Variants in PPP1R9A observed in about 807,000 individuals in gnomAD.
PPP1R9A encodes neurabin-1.
A neutral mutation model predicts 141.9 loss-of-function variants in PPP1R9A; 59 were observed. The observed-to-expected ratio is 0.42, with a 90% confidence interval of 0.34 to 0.52. PPP1R9A has a LOEUF of 0.52. Among genes scored for constraint, PPP1R9A ranks in the 20% least tolerant of loss-of-function variants. The pLI, the probability that PPP1R9A is intolerant of heterozygous loss-of-function variation, is 0.10. For missense variants in PPP1R9A, 1,444 were observed against 1,611.9 expected (o/e 0.90, Z 1.78); for synonymous variants, 500 against 569.7 (o/e 0.88, Z 1.74).
At chr7:95,019,851 G>A (rs762531244) in intron 2 of PPP1R9A, among the ~76,000 whole-genome samples, 4 of 152,108 alleles carry the variant, frequency 2.6e-5, no homozygotes, top group Non-Finnish European at 5.9e-5. Flanking sequence ...TCCACTCCTA[G>A]TTATTTATAC....
intron 2 of PPP1R9A, among the ~76,000 whole-genome samples, chr7:94,949,473 T>C (rs1796227984): frequency 6.6e-6 from 1 of 152,126 alleles, no homozygotes; most frequent in Non-Finnish European, 1.5e-5. Context: ...GGGCATAAAA[T>C]AGGGTCCTCA....
At chr7:95,168,380 A>G (rs2152740177) in intron 5 of PPP1R9A, among the ~76,000 whole-genome samples, 1 of 152,246 alleles carries the variant, frequency 6.6e-6, no homozygotes, top group East Asian at 1.9e-4. Context: ...CTCACTATAT[A>G]TAAAAATCAA....
chr7:95,254,253 C>T (rs1799278857), intron 12 of PPP1R9A, among the ~76,000 whole-genome samples: 1 of 152,160 alleles, frequency 6.6e-6, no homozygotes, highest in Non-Finnish European at 1.5e-5. Flanking sequence ...TCCAGTTTTG[C>T]TGTGAGGACA....
Position 94,910,809 on chromosome 7 carries a change from G to A in PPP1R9A, c.696G>A (p.Gly232=), listed in dbSNP as rs1791363955. 1 of 1,613,750 alleles carries A rather than the reference G, an allele frequency of 6.2e-7. No individual in the cohort carries two copies. The highest frequency in any genetic ancestry group is 1.3e-5 in the African/African-American group (1 of 74,914). The change falls in exon 2 of 20, where the codon GGG becomes GGA. Residue 232 remains glycine, a synonymous_variant. Coordinates refer to ENST00000433360, the MANE Select transcript of PPP1R9A (RefSeq NM_001166160.2). The surrounding 1 kb of genome is among the most constrained non-coding windows in gnomAD (Gnocchi z 4.5). ...AAAACAATGAATACTCAGTGACTGG[G>A]CATTATCCCTTGAATTTACCATCTG... ...KAENNEYSVT[G]HYPLNLPSVT...
intron 8 of PPP1R9A, among the ~76,000 whole-genome samples, chr7:95,228,698 A>C (rs1435230980): frequency 3.3e-5 from 5 of 152,202 alleles, no homozygotes; most frequent in Non-Finnish European, 7.3e-5. Flanking sequence ...CCCTTGAAAA[A>C]TACGCTGCAT....
chr7:95,093,552 A>G (rs1218782388), intron 2 of PPP1R9A, among the ~76,000 whole-genome samples: 18 of 152,174 alleles, frequency 1.2e-4, no homozygotes, highest in Admixed American at 1.2e-3. Context: ...AGTTCTTCCA[A>G]ACTAGATTCT....
chr7:95,039,812 A>G (rs1808964554), intron 2 of PPP1R9A, among the ~76,000 whole-genome samples: 2 of 152,204 alleles, frequency 1.3e-5, no homozygotes, highest in South Asian at 2.1e-4. Flanking sequence ...TTGGAATAAC[A>G]GGAGGAGAAA....
chr7:95,278,798 A>C (rs1254635378), intron 16 of PPP1R9A, among the ~76,000 whole-genome samples: 4 of 152,202 alleles, frequency 2.6e-5, no homozygotes, highest in Non-Finnish European at 4.4e-5. Context: ...TGAAAGCCAA[A>C]AACACAATGT....
At chr7:95,119,084 G>GT (rs1011959600) in intron 3 of PPP1R9A, among the ~76,000 whole-genome samples, 1 of 152,064 alleles carries the variant, frequency 6.6e-6, no homozygotes, top group Non-Finnish European at 1.5e-5. Flanking sequence ...ATTCTGTTGA[G>GT]TATATGGACC....
chr7:95,118,985 C>CAAAAAAA (rs11353708), intron 3 of PPP1R9A, among the ~76,000 whole-genome samples: 1 of 129,150 alleles, frequency 7.7e-6, no homozygotes, highest in Non-Finnish European at 1.7e-5. Context: ...TTGTCTCAAA[C>CAAAAAAA]AAAAAAAAAA....
At chr7:94,932,253 T>C (rs11768662) in intron 2 of PPP1R9A, among the ~76,000 whole-genome samples, 17 of 152,214 alleles carry the variant, frequency 1.1e-4, no homozygotes, top group Non-Finnish European at 2.4e-4. Context: ...GGCTTTTGTG[T>C]CATTATATTT....
chr7:94,948,171 T>C (rs1396801417), intron 2 of PPP1R9A, among the ~76,000 whole-genome samples: 2 of 152,094 alleles, frequency 1.3e-5, no homozygotes, highest in Non-Finnish European at 2.9e-5. Context: ...GTATATATTA[T>C]AATAAGTAAT....
chr7:95,283,457 A>T (rs1585630342), intron 16 of PPP1R9A, among the ~76,000 whole-genome samples: 1 of 152,222 alleles, frequency 6.6e-6, no homozygotes, highest in East Asian at 1.9e-4. Flanking sequence ...GGAGATGAGG[A>T]CTTCAGATCT....
chr7:95,180,650 G>C (rs896821631), intron 5 of PPP1R9A, among the ~76,000 whole-genome samples: 8 of 151,998 alleles, frequency 5.3e-5, no homozygotes, highest in Non-Finnish European at 1.0e-4. Context: ...CTAATATCCA[G>C]AATCTACGAC....
At chr7:95,281,578 G>T (rs1212935165) in intron 16 of PPP1R9A, among the ~76,000 whole-genome samples, 5 of 152,206 alleles carry the variant, frequency 3.3e-5, no homozygotes. Context: ...AGTTTAATTA[G>T]ATGTGACCTT....
chr7:95,042,124 C>G (rs903023081), intron 2 of PPP1R9A, among the ~76,000 whole-genome samples: 14 of 152,060 alleles, frequency 9.2e-5, no homozygotes, highest in African/African-American at 3.4e-4. Flanking sequence ...GCTTTTACTG[C>G]CCTCAGGGAG....
chr7:95,072,843 AT>A (rs1814145916), intron 2 of PPP1R9A, among the ~76,000 whole-genome samples: 2 of 52,018 alleles, frequency 3.8e-5, no homozygotes, highest in Non-Finnish European at 6.0e-5. Context: ...AATAATTATT[AT>A]ATATAATATA....
intron 4 of PPP1R9A, among the ~76,000 whole-genome samples, chr7:95,149,259 A>T (rs1373457774): frequency 1.3e-5 from 2 of 152,162 alleles, no homozygotes; most frequent in African/African-American, 2.4e-5. Flanking sequence ...CTTGAAAAAA[A>T]ATACCTACAA....
intron 2 of PPP1R9A, among the ~76,000 whole-genome samples, chr7:95,085,501 G>A (rs538674268): frequency 2.0e-4 from 29 of 142,170 alleles, no homozygotes; most frequent in Admixed American, 4.5e-4. Flanking sequence ...TGCAACCTCC[G>A]CCTGCTGGGT....
Sources: allele counts gnomAD v4.1 joint callset (sites outside exome capture counted in the v4.1 genomes callset), GRCh38; gene constraint gnomAD v4.1.1; non-coding constraint Gnocchi (gnomAD v3.1); transcripts MANE v1.5; gene names NCBI Gene and HGNC (gene_info 2026-07-23, HGNC 2026-07-21).